LOXL1: variants seen among roughly 807,000 people sequenced by gnomAD.
The protein encoded by LOXL1 is lysyl oxidase like 1, also known as lysyl oxidase homolog 1.
Under a neutral mutation model 62.2 loss-of-function variants are expected in LOXL1, and 31 were observed. The ratio of observed to expected loss-of-function variants is 0.50; its 90% CI spans 0.37 to 0.67. LOXL1 has a LOEUF of 0.67. LOXL1 is among the 30% of genes least tolerant of loss of function. The pLI, the probability that LOXL1 is intolerant of heterozygous loss-of-function variation, is 0.00. For missense variants in LOXL1, 775 were observed against 843.4 expected (o/e 0.92, Z 1.00); for synonymous variants, 403 against 384.4 (o/e 1.05, Z -0.56).
Position 73,949,410 on chromosome 15 carries a change from C to T in LOXL1, c.1603-49C>T, listed in dbSNP as rs370861597. ...CCTTCTCTGGTGAGCAGTTGAGGTG[C>T]AGCCCCCCTGACTAGACTCCCTTTC... On this transcript the variant is annotated intron_variant, in intron 5 of 6. Coordinates refer to ENST00000261921, the MANE Select transcript of LOXL1 (RefSeq NM_005576.4). The T allele has an allele frequency of 4.1e-5, 45 of 1,093,342 alleles. No homozygotes were observed. In the African/African-American group the frequency reaches 6.3e-4, roughly 15 times the overall value. The allele number at this position is 1,093,342 out of a possible 1,614,324, so 67.7% of individuals were successfully genotyped here. A position where few individuals can be genotyped will look rare whatever the true frequency, so the allele number is the denominator to read the frequency against.
rs1376864570 is a variant in LOXL1, at chr15:73,927,186, G to A, written c.403G>A (p.Asp135Asn). 4 of 1,563,452 alleles carry A rather than the reference G, an allele frequency of 2.6e-6. No homozygotes were observed. In the Admixed American group the frequency reaches 7.1e-5, roughly 28 times the overall value. Residue 135 changes from aspartate to asparagine, a missense_variant, in exon 1 of 7, where the codon GAC becomes AAC. Coordinates refer to ENST00000261921, the MANE Select transcript of LOXL1 (RefSeq NM_005576.4). ...PDNWREVAVG[D>N]STGMARARTS... is the part of the protein sequence containing the mutation. ...CAACTGGCGCGAGGTGGCCGTCGGG[G>A]ACAGCACGGGCATGGCCCGGGCCCG...
chr15:73,937,951 C>T (rs1304503414), intron 1 of LOXL1, among the ~76,000 whole-genome samples: 1 of 152,184 alleles, frequency 6.6e-6, no homozygotes, highest in Admixed American at 6.5e-5. Flanking sequence ...TTCACTGTAG[C>T]GTGTTTGTGG....
rs2068628185 is a variant in LOXL1 at position 73,930,494 on chromosome 15, G to A, written c.1102+2609G>A. Among the ~76,000 whole-genome samples the A allele has an allele frequency of 1.3e-5, 2 of 152,186 alleles. No individual in the cohort carries two copies. Among genetic ancestry groups the A allele is most frequent in the African/African-American group, 2.4e-5 (1 of 41,440 alleles). On this transcript the variant is annotated intron_variant, in intron 1 of 6. Transcript: ENST00000261921. This position sits in a 1 kb window ranked among gnomAD's most constrained non-coding sequence, Gnocchi z 4.7. Reference sequence around the variant, plus strand: ...CCAGACCGTGGAAAATCCCAGCCCAGGGAAGGCCAAGCCTTGTGCTTGAGA... The same window carrying A: ...CCAGACCGTGGAAAATCCCAGCCCAAGGAAGGCCAAGCCTTGTGCTTGAGA...
At chr15:73,942,333 C>T (rs2068719762) in intron 1 of LOXL1, among the ~76,000 whole-genome samples, 1 of 151,994 alleles carries the variant, frequency 6.6e-6, no homozygotes, top group African/African-American at 2.4e-5. Flanking sequence ...CATGAACCTT[C>T]AGGGACACAC....
intron 1 of LOXL1, among the ~76,000 whole-genome samples, chr15:73,937,606 C>T (rs915787438): frequency 3.9e-5 from 6 of 152,216 alleles, no homozygotes; most frequent in African/African-American, 1.4e-4. Flanking sequence ...CCTCAGGCCC[C>T]GAGTCAGGTG....
At chr15:73,949,357 CTCTG>C (rs1185040035) in intron 5 of LOXL1, 98 bp from the exon 6 acceptor site, 8 of 757,692 alleles carry the variant, frequency 1.1e-5, no homozygotes, top group Admixed American at 1.8e-5. Context: ...TCTGTCACCT[CTCTG>C]TCTGTCTGTC....
At chr15:73,932,245 T>C (rs2068640076) in intron 1 of LOXL1, among the ~76,000 whole-genome samples, 1 of 152,184 alleles carries the variant, frequency 6.6e-6, no homozygotes, top group African/African-American at 2.4e-5. Context: ...TTATACATCA[T>C]CTCCTTTAAT....
chr15:73,950,293 T>TAAA (rs5813735), intron 6 of LOXL1, among the ~76,000 whole-genome samples: 24,749 of 145,916 alleles, frequency 0.17, 2,307 homozygotes, highest in East Asian at 0.38. Flanking sequence ...CCTTTTCCAT[T>TAAA]AAAAAAAAAA....
intron 3 of LOXL1, 27 bp downstream of exon 3, chr15:73,946,581 C>T: frequency 6.3e-7 from 1 of 1,583,962 alleles, no homozygotes; most frequent in Non-Finnish European, 8.6e-7. Flanking sequence ...TGGGCCCGTC[C>T]TCTTCCACTT....
chr15:73,942,877 C>T lies in LOXL1; in HGVS notation c.1126C>T (p.Pro376Ser). The T allele has an allele frequency of 1.9e-6, 3 of 1,613,922 alleles. No homozygotes were observed. Among genetic ancestry groups the T allele is most frequent in the Non-Finnish European group, 2.5e-6 (3 of 1,179,814 alleles). Residue 376 changes from proline (P) to serine (S), a missense_variant, in exon 2 of 7, where the codon CCC (proline) becomes TCC (serine). Pro to Ser is a moderately conservative substitution (Grantham distance 74). Coordinates refer to ENST00000261921, the MANE Select transcript of LOXL1 (RefSeq NM_005576.4). ...GRGLPDLVPD[P>S]NYVQASTYVQ... ...AGGTCTCCCTGACTTGGTCCCAGAC[C>T]CCAACTATGTGCAAGCATCCACTTA... is the stretch of plus-strand genomic sequence containing the variant.
chr15:73,940,415 C>A (rs769386418), intron 1 of LOXL1, among the ~76,000 whole-genome samples: 27 of 151,968 alleles, frequency 1.8e-4, no homozygotes, highest in Non-Finnish European at 3.8e-4. Flanking sequence ...CTACTCCACT[C>A]AGTTTTAATC....
intron 1 of LOXL1, among the ~76,000 whole-genome samples, chr15:73,938,057 C>T (rs568975240): frequency 1.6e-4 from 24 of 152,268 alleles, no homozygotes; most frequent in African/African-American, 2.6e-4. Context: ...GAGGCCAAGG[C>T]GGGTGGAACA....
intron 6 of LOXL1, 139 bp downstream of exon 6, chr15:73,949,713 A>G (rs2068771332): frequency 1.5e-6 from 1 of 652,924 alleles, no homozygotes; most frequent in Non-Finnish European, 2.8e-6. Flanking sequence ...GCCCATCAAA[A>G]AGAGCCTTGT....
intron 1 of LOXL1, among the ~76,000 whole-genome samples, chr15:73,931,307 A>G (rs76241436): frequency 6.6e-6 from 1 of 151,940 alleles, no homozygotes; most frequent in Non-Finnish European, 1.5e-5. Context: ...CCAGGAGAGA[A>G]CCGCAGCTGC....
At chr15:73,941,881 CT>C in intron 1 of LOXL1, 1 of 192,262 alleles carries the variant, frequency 5.2e-6, no homozygotes, top group South Asian at 5.7e-5. Context: ...CTAGTAACTC[CT>C]GCTCAGACTC....
intron 4 of LOXL1, 75 bp downstream of exon 4, chr15:73,947,298 GC>G: frequency 6.7e-7 from 1 of 1,499,750 alleles, no homozygotes; most frequent in South Asian, 1.3e-5. Flanking sequence ...GCCCGCTGAG[GC>G]CCGGCAAGTG....
intron 1 of LOXL1, among the ~76,000 whole-genome samples, chr15:73,928,601 C>CAAAAAAAAAA (rs55696344): frequency 7.6e-5 from 8 of 105,014 alleles, no homozygotes; most frequent in Admixed American, 3.1e-4. Context: ...AAAATTAATG[C>CAAAAAAAAAA]AAAAAAAAAA....
At chr15:73,928,601 C>CAA (rs55696344) in intron 1 of LOXL1, among the ~76,000 whole-genome samples, 3 of 105,012 alleles carry the variant, frequency 2.9e-5, no homozygotes, top group East Asian at 2.4e-4. Context: ...AAAATTAATG[C>CAA]AAAAAAAAAA....
Position 73,947,840 on chromosome 15 carries a change from G to A in LOXL1, c.1540G>A (p.Ala514Thr). The change falls in exon 5 of 7, where the codon GCG becomes ACG. Residue 514 changes from alanine (A) to threonine (T), a missense_variant. Ala to Thr is a moderately conservative substitution (Grantham distance 58). Coordinates refer to ENST00000261921, the MANE Select transcript of LOXL1 (RefSeq NM_005576.4). ...LSPGCYDTYN[A>T]DIDCQWIDIT... ...CCCAGGCTGCTATGACACCTACAATGCGGACATCGACTGCCAGTGGATCGA... is the reference window on the plus strand; with the variant it reads ...CCCAGGCTGCTATGACACCTACAATACGGACATCGACTGCCAGTGGATCGA... The A allele has an allele frequency of 6.2e-7, 1 of 1,613,816 alleles. No homozygotes were observed. The highest frequency in any genetic ancestry group is 8.5e-7 in the Non-Finnish European group (1 of 1,179,806).
Sources: allele counts gnomAD v4.1 joint callset (sites outside exome capture counted in the v4.1 genomes callset), GRCh38; gene constraint gnomAD v4.1.1; non-coding constraint Gnocchi (gnomAD v3.1); transcripts MANE v1.5; gene names NCBI Gene and HGNC (gene_info 2026-07-23, HGNC 2026-07-21).